DIRAS1: variants seen among roughly 807,000 people sequenced by gnomAD.
DIRAS1 encodes GTP-binding protein Di-Ras1.
In DIRAS1, 3 loss-of-function variants were observed where a neutral mutation model predicts 11.5. The observed-to-expected ratio is 0.26, with a 90% CI of 0.12 to 0.67. DIRAS1 has a LOEUF of 0.67. DIRAS1 is among the 30% of genes least tolerant of loss of function. The probability of loss-of-function intolerance (pLI) is 0.80; values close to 1 mark genes in which losing one functional copy is unlikely to be tolerated. For synonymous variants in DIRAS1, 128 were observed against 125.8 expected, an observed-to-expected ratio of 1.02 and a Z score of -0.12; for missense variants, 212 against 285.3, an observed-to-expected ratio of 0.74 and a Z score of 1.85.
rs1913759195 is a variant in DIRAS1, at chr19:2,715,274, C to G, written c.*1936G>C. 1 of 151,910 alleles carries G rather than the reference C, an allele frequency of 6.6e-6. No individual in the cohort carries two copies. Among genetic ancestry groups the G allele is most frequent in the Non-Finnish European group, 1.5e-5 (1 of 68,060 alleles). 9.4% of individuals were successfully genotyped at this position (151,910 alleles called of 1,614,324 possible). ...GTGTGCAATCTCTCTCTCTCTCTCACTGCACAAAAGGGCGTGCGCACACAC... is the reference window on the plus strand; with the variant it reads ...GTGTGCAATCTCTCTCTCTCTCTCAGTGCACAAAAGGGCGTGCGCACACAC... On this transcript the variant is annotated 3_prime_UTR_variant, in exon 2 of 2. Coordinates refer to ENST00000323469, the MANE Select transcript of DIRAS1 (RefSeq NM_145173.4).
Position 2,718,531 on chromosome 19 carries a change from T to C in DIRAS1, c.-69-656A>G, listed in dbSNP as rs114786862. Reference sequence around the variant, plus strand: ...TATTTTATTTTATTCTTCTTATTTATTTATTTATTTTTAGACAGAGTTTCG... The same window carrying C: ...TATTTTATTTTATTCTTCTTATTTACTTATTTATTTTTAGACAGAGTTTCG... On this transcript the variant is annotated intron_variant, in intron 1 of 1. Coordinates refer to ENST00000323469, the MANE Select transcript of DIRAS1 (RefSeq NM_145173.4). This position sits in a 1 kb window ranked among gnomAD's most constrained non-coding sequence, Gnocchi z 4.2. Among the ~76,000 whole-genome samples, 2,119 of 152,272 alleles carry C rather than the reference T, an allele frequency of 0.014. 54 individuals carry two copies. The highest frequency in any genetic ancestry group is 0.048 in the African/African-American group (1,975 of 41,532).
At chr19:2,719,592 T>C (rs56349636) in intron 1 of DIRAS1, among the ~76,000 whole-genome samples, 33,758 of 76,526 alleles carry the variant, frequency 0.44, 4,603 homozygotes, top group East Asian at 0.68. Context: ...CGGTGGGGGG[T>C]GGGGGAGGGG....
rs1913872054 is a variant in DIRAS1, at chr19:2,718,160, G to T, written c.-69-285C>A. Among the ~76,000 whole-genome samples the T allele has an allele frequency of 6.6e-6, 1 of 152,210 alleles. No individual in the cohort carries two copies. Among genetic ancestry groups the T allele is most frequent in the East Asian group, 1.9e-4 (1 of 5,198 alleles). ...GCGTGGGAGACGCCGGGATGCCCAC[G>T]AAACTCCTTCCCCGGGTGTGGGTGT... On this transcript the variant is annotated intron_variant, in intron 1 of 1. Coordinates refer to ENST00000323469, the MANE Select transcript of DIRAS1 (RefSeq NM_145173.4). This position sits in a 1 kb window ranked among gnomAD's most constrained non-coding sequence, Gnocchi z 4.2.
chr19:2,716,562 ACT>A lies in DIRAS1; in HGVS notation c.*646_*647del, dbSNP rs1913804452. 6.6e-6 allele frequency: 1 copy of A among 152,324 alleles called. No homozygotes were observed. The highest frequency in any genetic ancestry group is 1.5e-5 in the Non-Finnish European group (1 of 68,212). The allele number at this position is 152,324 out of a possible 1,614,324, so 9.4% of individuals were successfully genotyped here. ...GGTGGGATTCGGGGCTGGCAGGGGC[ACT>A]GCTGCAGGCCCTGTGGTTATTGCCT... On this transcript the variant is annotated 3_prime_UTR_variant, in exon 2 of 2. Transcript: ENST00000323469.
At chr19:2,720,109 G>A (rs1449596605) in intron 1 of DIRAS1, among the ~76,000 whole-genome samples, 1 of 151,972 alleles carries the variant, frequency 6.6e-6, no homozygotes, top group Non-Finnish European at 1.5e-5. Flanking sequence ...TAATTTCTCG[G>A]CATTCGGAGG....
rs28435794 is a variant in DIRAS1, at chr19:2,715,558, G to C, written c.*1652C>G. 45,160 of 151,956 alleles carry C rather than the reference G, an allele frequency of 0.3. 7,153 individuals are homozygous for C. Among genetic ancestry groups the C allele is most frequent in the East Asian group, 0.57 (2,949 of 5,162 alleles). The allele number at this position is 151,956 out of a possible 1,614,324, so 9.4% of individuals were successfully genotyped here. A position where few individuals can be genotyped will look rare whatever the true frequency, so the allele number is the denominator to read the frequency against. On this transcript the variant is annotated 3_prime_UTR_variant, in exon 2 of 2. Transcript: ENST00000323469. ...CCTTCAGATGAGACCTCTGCCTGGCGAATGCTTTGATTGCAGCCTCCTGAG... is the reference window on the plus strand; with the variant it reads ...CCTTCAGATGAGACCTCTGCCTGGCCAATGCTTTGATTGCAGCCTCCTGAG...
At chr19:2,720,811 G>T (rs533159117) in intron 1 of DIRAS1, among the ~76,000 whole-genome samples, 3 of 152,210 alleles carry the variant, frequency 2.0e-5, no homozygotes, top group East Asian at 3.9e-4. Flanking sequence ...TGGAGAAAGG[G>T]CCTGCTCTAG....
At position 2,717,218 on chromosome 19, in the gene DIRAS1, G is replaced by A. The variant is rs1328918214; in HGVS notation, c.589C>T (p.Leu197Phe). Residue 197 changes from leucine to phenylalanine, a missense_variant, in exon 2 of 2, where the codon CTC becomes TTC. Transcript: ENST00000323469. ...RTDRVKGKCT[L>F]M ...AGGCGGGCGTTCCGGGCTCACATGA[G>A]GGTGCATTTGCCCTTGACGCGGTCT... The A allele has an allele frequency of 8.2e-6, 13 of 1,587,666 alleles. 1 individual carries two copies. In the South Asian group the frequency reaches 1.4e-4, roughly 18 times the overall value.
At chr19:2,719,305 A>G (rs1913898972) in intron 1 of DIRAS1, 2 of 152,014 alleles carry the variant, frequency 1.3e-5, no homozygotes, top group Non-Finnish European at 2.9e-5. Flanking sequence ...GAAAATCGCC[A>G]CTCCCTAAAC....
intron 1 of DIRAS1, 30 bp from the exon 2 acceptor site, chr19:2,717,905 G>T: frequency 7.8e-7 from 1 of 1,277,908 alleles, no homozygotes; most frequent in South Asian, 1.4e-5. Context: ...ACACGTCAAA[G>T]GCCACCCAGG....
At chr19:2,720,201 G>C (rs1464041638) in intron 1 of DIRAS1, among the ~76,000 whole-genome samples, 13 of 152,154 alleles carry the variant, frequency 8.5e-5, no homozygotes, top group African/African-American at 3.1e-4. Context: ...CTGAGAGGCG[G>C]GCACGCTGCT....
At chr19:2,720,145 G>A (rs79513414) in intron 1 of DIRAS1, among the ~76,000 whole-genome samples, 3,599 of 152,216 alleles carry the variant, frequency 0.024, 111 homozygotes, top group South Asian at 0.081. Context: ...GTGGTGGGGG[G>A]GAGGCGGCCT....
At chr19:2,719,604 GT>G (rs1158095837) in intron 1 of DIRAS1, among the ~76,000 whole-genome samples, 2 of 151,212 alleles carry the variant, frequency 1.3e-5, no homozygotes, top group Non-Finnish European at 2.9e-5. Flanking sequence ...GGGGAGGGGT[GT>G]TCCCCAGCAA....
Position 2,717,802 on chromosome 19 carries a change from G to A in DIRAS1, c.5C>T (p.Pro2Leu), listed in dbSNP as rs1002153997. The A allele has an allele frequency of 1.9e-6, 3 of 1,592,158 alleles. No homozygotes were observed. The highest frequency in any genetic ancestry group is 1.3e-5 in the African/African-American group (1 of 74,770). The change falls in exon 2 of 2, where the codon CCG becomes CTG. Residue 2 changes from proline (P) to leucine (L), a missense_variant. Pro to Leu is a moderately conservative substitution (Grantham distance 98). Coordinates refer to ENST00000323469, the MANE Select transcript of DIRAS1 (RefSeq NM_145173.4). ...CACGCGGTAATCGTTACTCTGTTCCGGCATCTTCCCCGCGGCGGGTGGGCG... is the reference window on the plus strand; with the variant it reads ...CACGCGGTAATCGTTACTCTGTTCCAGCATCTTCCCCGCGGCGGGTGGGCG... MPEQSNDYRVVV... is the reference protein window; with the variant it reads MLEQSNDYRVVV...
rs1371642119 is a variant in DIRAS1, at chr19:2,718,550, A to G, written c.-69-675T>C. Among the ~76,000 whole-genome samples, 1 of 152,094 alleles carries G rather than the reference A, an allele frequency of 6.6e-6. No individual in the cohort carries two copies. Among genetic ancestry groups the G allele is most frequent in the Non-Finnish European group, 1.5e-5 (1 of 68,036 alleles). The stretch of plus-strand genomic sequence containing the variant: ...TATTTATTTATTTATTTTTAGACAG[A>G]GTTTCGCTCTTGCTGCCCAGGCTGG... On this transcript the variant is annotated intron_variant, in intron 1 of 1. Coordinates refer to ENST00000323469, the MANE Select transcript of DIRAS1 (RefSeq NM_145173.4). The surrounding 1 kb of genome is among the most constrained non-coding windows in gnomAD (Gnocchi z 4.2).
At chr19:2,719,175 C>T (rs1335936503) in intron 1 of DIRAS1, 1 of 152,208 alleles carries the variant, frequency 6.6e-6, no homozygotes, top group Non-Finnish European at 1.5e-5. Flanking sequence ...GATCCTGAGG[C>T]TGGGAATCTG....
At chr19:2,719,729 A>C (rs1196808249) in intron 1 of DIRAS1, among the ~76,000 whole-genome samples, 1 of 152,036 alleles carries the variant, frequency 6.6e-6, no homozygotes, top group East Asian at 1.9e-4. Context: ...GTTTGAACCT[A>C]AACAGGCAAA....
At position 2,718,666 on chromosome 19, in the gene DIRAS1, C is replaced by A. The variant is rs945524462; in HGVS notation, c.-69-791G>T. ...TCAGCCTCCCAAGTAGCTAGGATTA[C>A]AGGCATGCACCACAAAGCCCGGCTA... is the stretch of plus-strand genomic sequence containing the variant. On this transcript the variant is annotated intron_variant, in intron 1 of 1. Transcript: ENST00000323469. This position sits in a 1 kb window ranked among gnomAD's most constrained non-coding sequence, Gnocchi z 4.2. 8.5e-5 allele frequency among the ~76,000 whole-genome samples: 13 copies of A among 152,166 alleles called. 1 individual carries two copies. Among genetic ancestry groups the A allele is most frequent in the African/African-American group, 3.1e-4 (13 of 41,432 alleles).
chr19:2,720,441 G>A (rs1411437375), intron 1 of DIRAS1, among the ~76,000 whole-genome samples: 1 of 152,208 alleles, frequency 6.6e-6, no homozygotes, highest in Admixed American at 6.5e-5. Context: ...GTGGAGGGAG[G>A]GGGTCGTGGG....
Sources: allele counts gnomAD v4.1 joint callset (sites outside exome capture counted in the v4.1 genomes callset), GRCh38; gene constraint gnomAD v4.1.1; non-coding constraint Gnocchi (gnomAD v3.1); transcripts MANE v1.5; gene names NCBI Gene and HGNC (gene_info 2026-07-23, HGNC 2026-07-21).